MAGI1: variants seen among roughly 807,000 people sequenced by gnomAD.
MAGI1 encodes membrane-associated guanylate kinase, WW and PDZ domain-containing protein 1.
A neutral mutation model predicts 139.9 loss-of-function variants in MAGI1; 58 were observed. The ratio of observed to expected loss-of-function variants is 0.41; its 90% CI spans 0.34 to 0.52. The LOEUF is 0.52. Ranked by LOEUF, MAGI1 falls within the 20% of genes least tolerant of loss-of-function variation. The pLI, the probability that MAGI1 is intolerant of heterozygous loss-of-function variation, is 0.12. For missense variants in MAGI1, 1,874 were observed against 1,901.6 expected, an observed-to-expected ratio of 0.99 and a Z score of 0.27; for synonymous variants, 812 against 737.9, an observed-to-expected ratio of 1.10 and a Z score of -1.63.
chr3:65,437,936 T>C (rs191381087), intron 9 of MAGI1, among the ~76,000 whole-genome samples: 96 of 152,264 alleles, frequency 6.3e-4, no homozygotes, highest in African/African-American at 2.1e-3. Flanking sequence ...GATAAGGATG[T>C]AGAGAAAAGG....
At chr3:65,446,442 C>G (rs1948676891) in intron 7 of MAGI1, among the ~76,000 whole-genome samples, 1 of 152,206 alleles carries the variant, frequency 6.6e-6, no homozygotes, top group Non-Finnish European at 1.5e-5. Context: ...TTTAACAGCA[C>G]AAGCAAGTCA....
chr3:65,837,378 T>C (rs2042872261), intron 1 of MAGI1, among the ~76,000 whole-genome samples: 1 of 152,014 alleles, frequency 6.6e-6, no homozygotes, highest in Admixed American at 6.5e-5. Context: ...AATATGAAAA[T>C]AGGGATGGTT....
chr3:65,833,520 A>G (rs1301568735), intron 1 of MAGI1, among the ~76,000 whole-genome samples: 1 of 152,172 alleles, frequency 6.6e-6, no homozygotes, highest in Non-Finnish European at 1.5e-5. Context: ...TCAAAACAGA[A>G]AGACTGAAGA....
chr3:65,566,391 G>C (rs1157495895), intron 2 of MAGI1, among the ~76,000 whole-genome samples: 1 of 152,006 alleles, frequency 6.6e-6, no homozygotes, highest in Non-Finnish European at 1.5e-5. Context: ...CAGGGACTGA[G>C]TAGTAAGATT....
intron 2 of MAGI1, among the ~76,000 whole-genome samples, chr3:65,517,021 C>T (rs2077935247): frequency 6.6e-6 from 1 of 151,808 alleles, no homozygotes; most frequent in African/African-American, 2.4e-5. Flanking sequence ...AGCCACCGCG[C>T]CCGGCCCCAT....
intron 18 of MAGI1, among the ~76,000 whole-genome samples, chr3:65,368,996 A>G (rs1178956349): frequency 6.6e-6 from 1 of 152,162 alleles, no homozygotes; most frequent in Admixed American, 6.5e-5. Context: ...TACAATGCAA[A>G]TGTTGTTTGA....
At chr3:65,700,899 T>G (rs1477696437) in intron 1 of MAGI1, among the ~76,000 whole-genome samples, 1 of 152,168 alleles carries the variant, frequency 6.6e-6, no homozygotes, top group Non-Finnish European at 1.5e-5. Flanking sequence ...GAAGTACAGC[T>G]CTTCAGGTCA....
At chr3:65,790,982 G>C (rs264088) in intron 1 of MAGI1, among the ~76,000 whole-genome samples, 26,614 of 152,120 alleles carry the variant, frequency 0.17, 2,821 homozygotes, top group South Asian at 0.36. Context: ...GGTTGAGACA[G>C]GAGAATCACT....
In MAGI1 at chr3:65,640,172, G is replaced by A. The variant is rs115632747; in HGVS notation, c.314-18084C>T. On this transcript the variant is annotated intron_variant, in intron 1 of 22. Coordinates refer to ENST00000402939, the MANE Select transcript of MAGI1 (RefSeq NM_001033057.2). ...CATGTGCAGGTCTTGGGATGTGCCAGTCTCTATAACTGTGTGAGCCAATTC... is the reference window on the plus strand; with the variant it reads ...CATGTGCAGGTCTTGGGATGTGCCAATCTCTATAACTGTGTGAGCCAATTC... 4.8e-3 allele frequency among the ~76,000 whole-genome samples: 731 copies of A among 151,978 alleles called. 6 individuals carry two copies. Among genetic ancestry groups the A allele is most frequent in the African/African-American group, 0.015 (639 of 41,452 alleles).
intron 6 of MAGI1, chr3:65,452,636 G>A (rs1949100326): frequency 6.7e-6 from 1 of 149,084 alleles, no homozygotes; most frequent in African/African-American, 2.5e-5. Context: ...GCCTTGAAAT[G>A]AACTTTTTCA....
Position 65,430,865 on chromosome 3 carries a change from T to C in MAGI1, c.1380A>G (p.Thr460=). ...TGCCTTTCAACTCAGAAGGGTTTCG[T>C]GTAAAAAAGGGTTTGCCTGGATTAA... is the stretch of plus-strand genomic sequence containing the variant. The part of the protein sequence containing the change: ...EVPLQGKPFF[T]RNPSELKGKF... Residue 460 remains threonine, a synonymous_variant, in exon 11 of 23, where the codon ACA becomes ACG. Coordinates refer to ENST00000402939, the MANE Select transcript of MAGI1 (RefSeq NM_001033057.2). The C allele has an allele frequency of 6.2e-7, 1 of 1,613,146 alleles. No homozygotes were observed.
chr3:65,478,886 T>C (rs1433625254), intron 3 of MAGI1, 88 bp from the exon 4 acceptor site: 1 of 988,828 alleles, frequency 1.0e-6, no homozygotes, highest in African/African-American at 1.6e-5. Flanking sequence ...TCTAGGCACA[T>C]TAAAAAAAAA....
chr3:65,866,442 A>C (rs1248371961), intron 1 of MAGI1, among the ~76,000 whole-genome samples: 1 of 151,956 alleles, frequency 6.6e-6, no homozygotes, highest in Admixed American at 6.6e-5. Flanking sequence ...GGAAAAGAAA[A>C]TCCTAGGCTG....
intron 13 of MAGI1, among the ~76,000 whole-genome samples, chr3:65,400,285 A>T (rs537032006): frequency 1.4e-4 from 22 of 152,166 alleles, no homozygotes; most frequent in Non-Finnish European, 2.4e-4. Context: ...AATCACATCA[A>T]TTATTGCAGG....
intron 1 of MAGI1, among the ~76,000 whole-genome samples, chr3:65,639,820 T>C (rs1039335917): frequency 1.3e-5 from 2 of 151,910 alleles, no homozygotes; most frequent in African/African-American, 4.8e-5. Flanking sequence ...CTGACCAACA[T>C]GGAAAAACCC....
intron 1 of MAGI1, among the ~76,000 whole-genome samples, chr3:66,021,680 T>A (rs934731824): frequency 2.6e-4 from 39 of 152,188 alleles, no homozygotes; most frequent in Non-Finnish European, 4.4e-5. Context: ...CCCGTAGGTC[T>A]GGGATGGGGT....
intron 2 of MAGI1, 94 bp from the exon 3 acceptor site, chr3:65,493,725 G>A: frequency 1.4e-6 from 2 of 1,455,214 alleles, no homozygotes; most frequent in Non-Finnish European, 1.9e-6. Flanking sequence ...TGTTCAGTAA[G>A]AGGGCGTACC....
intron 1 of MAGI1, among the ~76,000 whole-genome samples, chr3:65,654,920 T>C (rs902889288): frequency 6.6e-6 from 1 of 152,228 alleles, no homozygotes; most frequent in African/African-American, 2.4e-5. Context: ...TAAGCATAGA[T>C]TGCCTATGGA....
At chr3:65,466,132 A>C (rs193251000) in intron 5 of MAGI1, among the ~76,000 whole-genome samples, 7 of 152,140 alleles carry the variant, frequency 4.6e-5, no homozygotes, top group Non-Finnish European at 8.8e-5. Flanking sequence ...AAACATTCTA[A>C]TTTTCTACTT....
Sources: allele counts gnomAD v4.1 joint callset (sites outside exome capture counted in the v4.1 genomes callset), GRCh38; gene constraint gnomAD v4.1.1; transcripts MANE v1.5; gene names NCBI Gene and HGNC (gene_info 2026-07-23, HGNC 2026-07-21).